Variants in N4BP2L2 observed in about 807,000 individuals in gnomAD.
N4BP2L2 encodes the protein NEDD4-binding protein 2-like 2.
A neutral mutation model predicts 56.2 loss-of-function variants in N4BP2L2; 50 were observed. The observed-to-expected ratio is 0.89, with a 90% CI of 0.71 to 1.13. N4BP2L2 has a LOEUF of 1.13. Among genes scored for constraint, N4BP2L2 ranks in the 50% most tolerant of loss-of-function variants. N4BP2L2 has a pLI of 0.00. For synonymous variants in N4BP2L2, 203 were observed against 223.6 expected, an observed-to-expected ratio of 0.91 and a Z score of 0.82; for missense variants, 689 against 693.8, an observed-to-expected ratio of 0.99 and a Z score of 0.08.
rs1443543604 is a variant in N4BP2L2 at position 32,503,604 on chromosome 13, C to T, written c.365+14253G>A. ...TCAATGCAAGTCTAGGTAACAATTC[C>T]TTAAAATTTAAAAAGCTAAATTTTT... is the stretch of plus-strand genomic sequence containing the variant. On this transcript the variant is annotated intron_variant, in intron 6 of 9. Transcript: ENST00000357505. Among the ~76,000 whole-genome samples, 4 of 152,276 alleles carry T rather than the reference C, an allele frequency of 2.6e-5. No homozygotes were observed. In the East Asian group the frequency reaches 7.7e-4, roughly 29 times the overall value.
chr13:32,506,142 A>C (rs1446159587), downstream of N4BP2L2: 2 of 152,194 alleles, frequency 1.3e-5, no homozygotes, highest in African/African-American at 4.8e-5. Flanking sequence ...TTTCTTCTAA[A>C]GCCTGTAGAT....
downstream of N4BP2L2, chr13:32,507,628 A>G (rs1368340447): frequency 2.6e-5 from 4 of 152,116 alleles, no homozygotes; most frequent in African/African-American, 9.7e-5. Context: ...AGAGCATTCC[A>G]AGCAGAAATA....
chr13:32,437,027 A>G, intron 8 of N4BP2L2, among the ~76,000 whole-genome samples: 1 of 151,862 alleles, frequency 6.6e-6, no homozygotes, highest in East Asian at 1.9e-4. Flanking sequence ...ATTACAGGCA[A>G]GTGCCACCAC....
At chr13:32,522,844 C>T (rs933097903) in intron 3 of N4BP2L2, 13 of 152,244 alleles carry the variant, frequency 8.5e-5, no homozygotes, top group African/African-American at 3.1e-4. Context: ...AGATGATTAT[C>T]TGTATTTTCT....
At chr13:32,521,636 C>T (rs2050945044) in intron 4 of N4BP2L2, 187 bp from the exon 5 acceptor site, 1 of 497,650 alleles carries the variant, frequency 2.0e-6, no homozygotes, top group Non-Finnish European at 3.5e-6. Flanking sequence ...GATTACTATT[C>T]TCAAGGAATA....
intron 6 of N4BP2L2, among the ~76,000 whole-genome samples, chr13:32,465,158 G>A (rs1439420610): frequency 3.3e-5 from 5 of 151,936 alleles, no homozygotes; most frequent in African/African-American, 9.7e-5. Context: ...GTAGAGACGG[G>A]GTTTCACCAT....
chr13:32,470,564 C>A (rs2082109207), intron 6 of N4BP2L2, among the ~76,000 whole-genome samples: 1 of 152,122 alleles, frequency 6.6e-6, no homozygotes, highest in Non-Finnish European at 1.5e-5. Flanking sequence ...TTAGTCCCAA[C>A]TATGGAAGGG....
At chr13:32,530,005 C>A (rs1051394595) in intron 2 of N4BP2L2, among the ~76,000 whole-genome samples, 68 of 152,204 alleles carry the variant, frequency 4.5e-4, no homozygotes, top group African/African-American at 1.5e-3. Context: ...GGATTACAGG[C>A]GTGAGCCACC....
intron 9 of N4BP2L2, among the ~76,000 whole-genome samples, chr13:32,434,129 T>G (rs1465314284): frequency 1.3e-5 from 2 of 150,900 alleles, no homozygotes. Flanking sequence ...CAGGCTGGAG[T>G]GCAGTGGTGC....
chr13:32,494,548 G>T (rs899361246), intron 6 of N4BP2L2, among the ~76,000 whole-genome samples: 1 of 151,944 alleles, frequency 6.6e-6, no homozygotes, highest in African/African-American at 2.4e-5. Flanking sequence ...CAGATCACGA[G>T]GTCAGGAGAT....
exon 7 of N4BP2L2, chr13:32,443,602 A>G: frequency 6.2e-7 from 1 of 1,611,722 alleles, no homozygotes; most frequent in Middle Eastern, 1.7e-4. Flanking sequence ...TTCCGCAGAA[A>G]GGTCCTGGGT....
At chr13:32,486,233 T>C (rs916455766) in intron 6 of N4BP2L2, among the ~76,000 whole-genome samples, 1 of 152,134 alleles carries the variant, frequency 6.6e-6, no homozygotes, top group African/African-American at 2.4e-5. Context: ...ACTCTCACCA[T>C]TTCTATTCAA....
chr13:32,471,753 C>T (rs1256239736), intron 6 of N4BP2L2, among the ~76,000 whole-genome samples: 1 of 152,182 alleles, frequency 6.6e-6, no homozygotes, highest in African/African-American at 2.4e-5. Flanking sequence ...GATGAGAGAG[C>T]TAGTGTGAGT....
intron 6 of N4BP2L2, among the ~76,000 whole-genome samples, chr13:32,499,093 C>T (rs1180830533): frequency 6.6e-6 from 1 of 151,952 alleles, no homozygotes; most frequent in Non-Finnish European, 1.5e-5. Flanking sequence ...ATTCAGCTGC[C>T]ACTGCCTACA....
chr13:32,477,326 G>A (rs1400908595), intron 6 of N4BP2L2: 5 of 197,010 alleles, frequency 2.5e-5, no homozygotes, highest in African/African-American at 4.7e-5. Flanking sequence ...GCCAAGTACA[G>A]CATGTGGTCA....
At chr13:32,504,500 T>C (rs1244507989) in intron 6 of N4BP2L2, 4 of 152,232 alleles carry the variant, frequency 2.6e-5, no homozygotes, top group Non-Finnish European at 4.4e-5. Flanking sequence ...CGTCATTTTA[T>C]CTTAATTACC....
intron 6 of N4BP2L2, among the ~76,000 whole-genome samples, chr13:32,486,633 G>A (rs575809065): frequency 2.1e-4 from 32 of 151,954 alleles, no homozygotes; most frequent in African/African-American, 6.5e-4. Context: ...CCAAAATTGC[G>A]CCACTGCACT....
At chr13:32,512,557 G>A (rs2048347739) in exon 6 of N4BP2L2, 1 of 152,152 alleles carries the variant, frequency 6.6e-6, no homozygotes, top group Non-Finnish European at 1.5e-5. Context: ...TTTGTCAGAA[G>A]GAGAAGGAAG....
chr13:32,440,434 C>T (rs2076134079), intron 7 of N4BP2L2, among the ~76,000 whole-genome samples: 1 of 152,140 alleles, frequency 6.6e-6, no homozygotes, highest in Non-Finnish European at 1.5e-5. Flanking sequence ...GGATAAATAT[C>T]ATAAAGACAT....
Sources: gnomAD v4.1 joint callset for allele counts (sites outside exome capture counted in the v4.1 genomes callset) on GRCh38, gnomAD v4.1.1 for gene constraint, MANE v1.5 for transcripts, NCBI Gene and HGNC (gene_info 2026-07-23, HGNC 2026-07-21) for gene names.